Variants in STARD13 observed in about 807,000 individuals in gnomAD.
STARD13 encodes stAR-related lipid transfer protein 13.
A neutral mutation model predicts 106.4 loss-of-function variants in STARD13; 62 were observed. The observed-to-expected ratio is 0.58, with a 90% confidence interval of 0.48 to 0.72. STARD13 has a LOEUF of 0.72. STARD13 is among the 30% of genes least tolerant of loss of function. STARD13 has a pLI of 0.00. For missense variants in STARD13, 1,387 were observed against 1,424.0 expected (o/e 0.97, Z 0.42); for synonymous variants, 565 against 553.0 (o/e 1.02, Z -0.31).
At chr13:33,621,860 A>T in the STARD13 span, among the ~76,000 whole-genome samples, 5 of 149,716 alleles carry the variant, frequency 3.3e-5, no homozygotes, top group Non-Finnish European at 7.4e-5. Context: ...GCTGGAGTGC[A>T]GGGGCATGAT....
At chr13:33,501,522 A>C in the STARD13 span, among the ~76,000 whole-genome samples, 3 of 152,178 alleles carry the variant, frequency 2.0e-5, no homozygotes, top group African/African-American at 7.2e-5. Context: ...TTTCAGGTCT[A>C]ACATTTGAGT....
the STARD13 span, among the ~76,000 whole-genome samples, chr13:33,512,468 CT>C: frequency 2.0e-5 from 3 of 151,846 alleles, no homozygotes; most frequent in Admixed American, 6.6e-5. Context: ...TTTTTTCACT[CT>C]TTTTTTCTTT....
the STARD13 span, among the ~76,000 whole-genome samples, chr13:33,436,980 GC>G: frequency 6.6e-6 from 1 of 152,098 alleles, no homozygotes; most frequent in Non-Finnish European, 1.5e-5. Flanking sequence ...ATATGGAGGG[GC>G]CCCTTCAGTC....
chr13:33,546,487 C>T, the STARD13 span, among the ~76,000 whole-genome samples: 3 of 152,090 alleles, frequency 2.0e-5, no homozygotes, highest in African/African-American at 7.2e-5. Context: ...AGCCTTTATA[C>T]TGCCCTATTT....
chr13:33,431,319 A>G, the STARD13 span, among the ~76,000 whole-genome samples: 1 of 152,200 alleles, frequency 6.6e-6, no homozygotes, highest in Non-Finnish European at 1.5e-5. Context: ...AAAAGAATAC[A>G]AAATTTCAAT....
chr13:33,193,982 C>T lies in STARD13; in HGVS notation c.170-26360G>A, dbSNP rs80298663. 3.4e-3 allele frequency among the ~76,000 whole-genome samples: 510 copies of T among 150,032 alleles called. 3 individuals carry two copies. Among genetic ancestry groups the T allele is most frequent in the African/African-American group, 0.011 (468 of 41,426 alleles). On this transcript the variant is annotated intron_variant, in intron 1 of 13. Coordinates refer to ENST00000336934, the MANE Select transcript of STARD13 (RefSeq NM_178006.4). Reference sequence around the variant, plus strand: ...CTTTTAGAGTTGAAACAAAAAAAGGCCCTTTAAGCTGAGGTTTTCAGGTTG... The same window carrying T: ...CTTTTAGAGTTGAAACAAAAAAAGGTCCTTTAAGCTGAGGTTTTCAGGTTG...
chr13:33,526,583 G>A, the STARD13 span, among the ~76,000 whole-genome samples: 3 of 152,046 alleles, frequency 2.0e-5, no homozygotes, highest in Non-Finnish European at 4.4e-5. Context: ...GCCAGCTGTG[G>A]AGCTAGAGTT....
the STARD13 span, among the ~76,000 whole-genome samples, chr13:33,377,779 G>C: frequency 6.6e-6 from 1 of 152,144 alleles, no homozygotes; most frequent in Non-Finnish European, 1.5e-5. Flanking sequence ...CACCTTCTGG[G>C]TTATAATGTA....
chr13:33,197,883 G>A (rs561228476), intron 1 of STARD13, among the ~76,000 whole-genome samples: 2 of 152,280 alleles, frequency 1.3e-5, no homozygotes, highest in Admixed American at 6.5e-5. Flanking sequence ...TACAAAAGCT[G>A]TTTCAGGCCG....
intron 1 of STARD13, among the ~76,000 whole-genome samples, chr13:33,201,339 T>C (rs1459481682): frequency 1.3e-5 from 2 of 152,230 alleles, no homozygotes; most frequent in Non-Finnish European, 2.9e-5. Flanking sequence ...AAATCCCGTG[T>C]TCAACTGACT....
chr13:33,236,518 A>T (rs992960797), intron 1 of STARD13, among the ~76,000 whole-genome samples: 1 of 152,196 alleles, frequency 6.6e-6, no homozygotes, highest in African/African-American at 2.4e-5. Context: ...AAGATTTCCA[A>T]ACTTTGGAGT....
chr13:33,513,894 C>T, the STARD13 span, among the ~76,000 whole-genome samples: 10 of 151,870 alleles, frequency 6.6e-5, no homozygotes, highest in East Asian at 3.9e-4. Context: ...ATTCACGTAA[C>T]GTAACAAGGA....
the STARD13 span, among the ~76,000 whole-genome samples, chr13:33,479,924 G>C: frequency 3.3e-5 from 5 of 152,160 alleles, no homozygotes; most frequent in African/African-American, 1.2e-4. Context: ...GCCAATGCCA[G>C]CATCATGCTT....
intron 3 of STARD13, among the ~76,000 whole-genome samples, chr13:33,158,402 A>G (rs1882226842): frequency 6.6e-6 from 1 of 152,252 alleles, no homozygotes; most frequent in Admixed American, 6.5e-5. Context: ...CTTGCAGAAT[A>G]CCAAAGGTGA....
intron 12 of STARD13, 53 bp downstream of exon 12, chr13:33,109,820 G>T: frequency 6.4e-7 from 1 of 1,567,486 alleles, no homozygotes; most frequent in Non-Finnish European, 8.8e-7. Flanking sequence ...CACATCTACA[G>T]TTCGCGTCCT....
At chr13:33,107,412 G>T (rs1873917957) in intron 12 of STARD13, among the ~76,000 whole-genome samples, 1 of 152,116 alleles carries the variant, frequency 6.6e-6, no homozygotes, top group African/African-American at 2.4e-5. Context: ...AAATGCACTG[G>T]TAAGATTATG....
intron 1 of STARD13, among the ~76,000 whole-genome samples, chr13:33,266,676 T>G (rs1358586649): frequency 2.0e-5 from 3 of 152,152 alleles, no homozygotes; most frequent in Non-Finnish European, 4.4e-5. Flanking sequence ...GGCCCAGTGG[T>G]CTCCCCTCTT....
intron 3 of STARD13, among the ~76,000 whole-genome samples, chr13:33,150,610 C>T (rs1216800432): frequency 6.6e-6 from 1 of 152,208 alleles, no homozygotes; most frequent in African/African-American, 2.4e-5. Flanking sequence ...TTTCCATACC[C>T]TCTCTACTTT....
chr13:33,304,021 T>C (rs1028622998), intron 1 of STARD13, among the ~76,000 whole-genome samples: 22 of 152,234 alleles, frequency 1.4e-4, no homozygotes, highest in Admixed American at 2.0e-4. Context: ...TTTAACAAGA[T>C]TTGCAGATGA....
Sources: gnomAD v4.1 joint callset for allele counts (sites outside exome capture counted in the v4.1 genomes callset) on GRCh38, gnomAD v4.1.1 for gene constraint, MANE v1.5 for transcripts, NCBI Gene and HGNC (gene_info 2026-07-23, HGNC 2026-07-21) for gene names.